EGLN3: variants seen among roughly 807,000 people sequenced by gnomAD.
The protein encoded by EGLN3 is prolyl hydroxylase EGLN3.
A neutral mutation model predicts 26.0 loss-of-function variants in EGLN3; 15 were observed. That is an observed-to-expected ratio of 0.58 (90% confidence interval 0.39 to 0.89). The LOEUF is 0.89. EGLN3 is among the 40% of genes least tolerant of loss of function. The pLI is 0.00. For missense variants in EGLN3, 238 were observed against 311.6 expected (o/e 0.76, Z 1.78); for synonymous variants, 147 against 127.2 (o/e 1.16, Z -1.05).
chr14:33,928,529 T>C (rs2064378401), intron 3 of EGLN3, among the ~76,000 whole-genome samples: 1 of 152,100 alleles, frequency 6.6e-6, no homozygotes, highest in Admixed American at 6.6e-5. Context: ...GTGCACATGA[T>C]AAAGAAAAGA....
intron 1 of EGLN3, among the ~76,000 whole-genome samples, chr14:33,934,188 C>T (rs1354796690): frequency 2.0e-5 from 3 of 152,312 alleles, no homozygotes; most frequent in South Asian, 2.1e-4. Context: ...CCACCTCCCA[C>T]CATCCCCATT....
At chr14:33,946,639 AG>A (rs2064520410) in intron 1 of EGLN3, among the ~76,000 whole-genome samples, 1 of 152,238 alleles carries the variant, frequency 6.6e-6, no homozygotes, top group African/African-American at 2.4e-5. Context: ...GGTCGGAAGT[AG>A]GAGAGAATAA....
chr14:33,927,030 A>G lies in EGLN3; in HGVS notation c.618T>C (p.Tyr206=), dbSNP rs1026210619. 3.1e-6 allele frequency: 5 copies of G among 1,595,232 alleles called. No homozygotes were observed. Among genetic ancestry groups the G allele is most frequent in the Non-Finnish European group, 4.3e-6 (5 of 1,171,048 alleles). The part of the protein sequence containing the change: ...HEVQPSYATR[Y]AMTVWYFDAE... ...CATCAAAGTACCAGACAGTCATAGCATATCTGTGAAAGATAAGCAGATATA... is the reference window on the plus strand; with the variant it reads ...CATCAAAGTACCAGACAGTCATAGCGTATCTGTGAAAGATAAGCAGATATA... The change falls in exon 4 of 5, where the codon TAT becomes TAC. Residue 206 remains tyrosine, a synonymous_variant. Coordinates refer to ENST00000250457, the MANE Select transcript of EGLN3 (RefSeq NM_022073.4).
Position 33,950,509 on chromosome 14 carries a change from C to T in EGLN3, c.244G>A (p.Gly82Arg). 6.2e-7 allele frequency: 1 copy of T among 1,613,620 alleles called. No individual in the cohort carries two copies. Among genetic ancestry groups the T allele is most frequent in the Non-Finnish European group, 8.5e-7 (1 of 1,180,028 alleles). Residue 82 changes from glycine to arginine, a missense_variant, in exon 1 of 5, where the codon GGG becomes AGG. Coordinates refer to ENST00000250457, the MANE Select transcript of EGLN3 (RefSeq NM_022073.4). ...GCCTCGCAGCCCTCCTCGTTGCCCC[C>T]GATCCACGTGATCTGGTCGCCCCGC... is the stretch of plus-strand genomic sequence containing the variant. ...HLRGDQITWIGGNEEGCEAIS... is the reference protein window; with the variant it reads ...HLRGDQITWIRGNEEGCEAIS...
chr14:33,936,411 T>G (rs2064443339), intron 1 of EGLN3, among the ~76,000 whole-genome samples: 1 of 152,078 alleles, frequency 6.6e-6, no homozygotes, highest in African/African-American at 2.4e-5. Flanking sequence ...AACTTGCCAA[T>G]GTTTTTAGTC....
intron 1 of EGLN3, among the ~76,000 whole-genome samples, chr14:33,942,047 A>G (rs2064486908): frequency 6.6e-6 from 1 of 152,180 alleles, no homozygotes; most frequent in African/African-American, 2.4e-5. Flanking sequence ...TAGATAATGA[A>G]GAAGGAGCAT....
rs774438188 is a variant in EGLN3 at position 33,950,558 on chromosome 14, G to C, written c.195C>G (p.Arg65=). 1.9e-6 allele frequency: 3 copies of C among 1,611,686 alleles called. No individual in the cohort carries two copies. In the African/African-American group the frequency reaches 4.0e-5, roughly 22 times the overall value. ...ALRDGQLAGP[R]AGVSKRHLRG... Reference sequence around the variant, plus strand: ...GCAGGTGTCGCTTGGAGACGCCGGCGCGCGGCCCCGCCAGCTGGCCGTCCC... The same window carrying C: ...GCAGGTGTCGCTTGGAGACGCCGGCCCGCGGCCCCGCCAGCTGGCCGTCCC... Residue 65 remains arginine, a synonymous_variant, in exon 1 of 5, where the codon CGC becomes CGG. Coordinates refer to ENST00000250457, the MANE Select transcript of EGLN3 (RefSeq NM_022073.4).
At chr14:33,934,144 G>A (rs183543268) in intron 1 of EGLN3, among the ~76,000 whole-genome samples, 88 of 151,990 alleles carry the variant, frequency 5.8e-4, no homozygotes, top group Non-Finnish European at 1.1e-3. Context: ...CACATTTACC[G>A]CTCTGTCCAC....
chr14:33,934,474 A>AAAC (rs1234265614), intron 1 of EGLN3, among the ~76,000 whole-genome samples: 1 of 151,858 alleles, frequency 6.6e-6, no homozygotes, highest in African/African-American at 2.4e-5. Context: ...CATAAAAAAA[A>AAAC]AAAAAAAACC....
intron 1 of EGLN3, chr14:33,950,049 A>T (rs1245734803): frequency 1.8e-6 from 1 of 567,998 alleles, no homozygotes; most frequent in East Asian, 2.9e-5. Context: ...GTCTCAGATG[A>T]TACACAGTGT....
chr14:33,941,058 G>C (rs1566600375), intron 1 of EGLN3, among the ~76,000 whole-genome samples: 1 of 152,130 alleles, frequency 6.6e-6, no homozygotes, highest in Non-Finnish European at 1.5e-5. Context: ...AATCCTAGAA[G>C]TAGACATACA....
At chr14:33,938,444 G>T (rs936520562) in intron 1 of EGLN3, among the ~76,000 whole-genome samples, 2 of 152,202 alleles carry the variant, frequency 1.3e-5, no homozygotes, top group African/African-American at 4.8e-5. Context: ...CCTTCCCGTG[G>T]AGGACTGGCT....
At chr14:33,936,671 C>G (rs2064444968) in intron 1 of EGLN3, among the ~76,000 whole-genome samples, 1 of 151,448 alleles carries the variant, frequency 6.6e-6, no homozygotes, top group Admixed American at 6.6e-5. Flanking sequence ...AGCAGCAGCT[C>G]TAGATCTGAA....
intron 1 of EGLN3, among the ~76,000 whole-genome samples, chr14:33,935,773 G>A (rs1370536977): frequency 6.6e-6 from 1 of 151,970 alleles, no homozygotes; most frequent in Non-Finnish European, 1.5e-5. Flanking sequence ...CAAAGACAAT[G>A]CCTCATCCTG....
rs115902427 is a variant in EGLN3 at position 33,943,395 on chromosome 14, A to G, written c.357+7001T>C. 3.8e-3 allele frequency among the ~76,000 whole-genome samples: 583 copies of G among 152,352 alleles called. 6 individuals carry two copies. Among genetic ancestry groups the G allele is most frequent in the African/African-American group, 0.013 (547 of 41,580 alleles). Reference sequence around the variant, plus strand: ...GATCTGAACTATCATTACTGTCAGAACATGTGCATTTGACAAACACTAGAG... The same window carrying G: ...GATCTGAACTATCATTACTGTCAGAGCATGTGCATTTGACAAACACTAGAG... On this transcript the variant is annotated intron_variant, in intron 1 of 4. Transcript: ENST00000250457.
rs562964345 is a variant in EGLN3 at position 33,937,655 on chromosome 14, T to A, written c.358-6440A>T. On this transcript the variant is annotated intron_variant, in intron 1 of 4. Transcript: ENST00000250457. ...TTCATGAAAATGTTTTTTACTACTC[T>A]ACTTCCACAATGCAGACTACTTCTG... 1.3e-4 allele frequency among the ~76,000 whole-genome samples: 20 copies of A among 152,320 alleles called. No individual in the cohort carries two copies. In the South Asian group the frequency reaches 4.1e-3, roughly 32 times the overall value.
intron 1 of EGLN3, among the ~76,000 whole-genome samples, chr14:33,940,963 C>G (rs1461535161): frequency 1.3e-5 from 2 of 152,188 alleles, no homozygotes; most frequent in Non-Finnish European, 2.9e-5. Flanking sequence ...TGCGAGTCTG[C>G]TCTCTCCAGG....
At chr14:33,938,316 T>C (rs2064456420) in intron 1 of EGLN3, among the ~76,000 whole-genome samples, 1 of 152,180 alleles carries the variant, frequency 6.6e-6, no homozygotes, top group Non-Finnish European at 1.5e-5. Context: ...CCTTTCTGCA[T>C]TGTGGTTAAT....
chr14:33,950,001 G>T lies in EGLN3; in HGVS notation c.357+395C>A, dbSNP rs976332784. 1.7e-5 allele frequency: 8 copies of T among 462,108 alleles called. No homozygotes were observed. In the Admixed American group the frequency reaches 2.7e-4, roughly 15 times the overall value. The allele number at this position is 462,108 out of a possible 1,614,324, so 28.6% of individuals were successfully genotyped here. ...CCACAATGAAGGGCAGTATTAGGTG[G>T]CTTTAAAGTAGGCATTTAAGATCAT... On this transcript the variant is annotated intron_variant, in intron 1 of 4. Transcript: ENST00000250457.
Sources: allele counts gnomAD v4.1 joint callset (sites outside exome capture counted in the v4.1 genomes callset), GRCh38; gene constraint gnomAD v4.1.1; transcripts MANE v1.5; gene names NCBI Gene and HGNC (gene_info 2026-07-23, HGNC 2026-07-21).